EIF2S3: variants seen among roughly 807,000 people sequenced by gnomAD.
The protein encoded by EIF2S3 is eukaryotic translation initiation factor 2 subunit 3.
A neutral mutation model predicts 31.7 loss-of-function variants in EIF2S3; 2 were observed. The ratio of observed to expected loss-of-function variants is 0.06; its 90% CI spans 0.03 to 0.20. EIF2S3 has a LOEUF of 0.20. Among genes scored for constraint, EIF2S3 ranks in the 10% least tolerant of loss-of-function variants. The probability of loss-of-function intolerance (pLI) is 1.00; values close to 1 mark genes in which losing one functional copy is unlikely to be tolerated. For missense variants in EIF2S3, 96 were observed against 359.3 expected (o/e 0.27, Z 5.92); for synonymous variants, 120 against 126.7 (o/e 0.95, Z 0.36).
In EIF2S3 at chrX:24,077,058, C is replaced by T. The variant is rs1602050124; in HGVS notation, c.*273C>T. ...CCCACATAATGTCAAAATTATACATCATGCAGTTCTGTTTTTTTGTTTGTT... is the reference window on the plus strand; with the variant it reads ...CCCACATAATGTCAAAATTATACATTATGCAGTTCTGTTTTTTTGTTTGTT... On this transcript the variant is annotated 3_prime_UTR_variant, in exon 12 of 12. Coordinates refer to ENST00000253039, the MANE Select transcript of EIF2S3 (RefSeq NM_001415.4). 11 of 230,308 alleles carry T rather than the reference C, an allele frequency of 4.8e-5. No individual in the cohort carries two copies. The East Asian group carries it at 8.4e-4, about 18-fold the overall frequency. The allele number at this position is 230,308 out of a possible 1,213,427, so 19.0% of individuals were successfully genotyped here.
At chrX:24,057,319 G>A in intron 2 of EIF2S3, 102 bp from the exon 3 acceptor site, 3 of 1,017,164 alleles carry the variant, frequency 2.9e-6, no homozygotes, top group Non-Finnish European at 2.6e-6. Flanking sequence ...GTGAGCCACC[G>A]TGTCCAGCTG....
At chrX:24,066,372 A>ATG in intron 8 of EIF2S3, among the ~76,000 whole-genome samples, 1 of 109,788 alleles carries the variant, frequency 9.1e-6, no homozygotes, top group Non-Finnish European at 1.9e-5. Flanking sequence ...ATGAGTGAGA[A>ATG]TGTGTGATAT....
At chrX:24,063,005 A>G (rs1292009809) in intron 6 of EIF2S3, among the ~76,000 whole-genome samples, 1 of 111,919 alleles carries the variant, frequency 8.9e-6, no homozygotes, top group Non-Finnish European at 1.9e-5. Context: ...GCACTTTGGG[A>G]GGCTGAGGCA....
At chrX:24,073,801 G>A (rs1930709613) in intron 11 of EIF2S3, among the ~76,000 whole-genome samples, 1 of 111,996 alleles carries the variant, frequency 8.9e-6, no homozygotes, top group African/African-American at 3.2e-5. Context: ...ATTTGGGTTC[G>A]GTATTTCTAT....
chrX:24,075,610 C>G (rs1930742229), intron 11 of EIF2S3, among the ~76,000 whole-genome samples: 1 of 111,841 alleles, frequency 8.9e-6, no homozygotes, highest in Non-Finnish European at 1.9e-5. Context: ...TTCTAGAAAC[C>G]TGCTTCAACC....
In EIF2S3 at chrX:24,077,241, GTAT is replaced by G. The variant is rs1249706276; in HGVS notation, c.*462_*464del. On this transcript the variant is annotated 3_prime_UTR_variant, in exon 12 of 12. Coordinates refer to ENST00000253039, the MANE Select transcript of EIF2S3 (RefSeq NM_001415.4). The stretch of plus-strand genomic sequence containing the variant: ...GCGCCACCACACTTGGCTAATTTTT[GTAT>G]TATTAGTAGAGACGGGGTTTCAGCA... The G allele has an allele frequency of 2.7e-5, 3 of 113,004 alleles. No individual in the cohort carries two copies. The highest frequency in any genetic ancestry group is 9.9e-5 in the African/African-American group (3 of 30,427). The allele number at this position is 113,004 out of a possible 1,213,427, so 9.3% of individuals were successfully genotyped here. A position where few individuals can be genotyped will look rare whatever the true frequency, so the allele number is the denominator to read the frequency against.
intron 11 of EIF2S3, 136 bp downstream of exon 11, chrX:24,073,399 A>G: frequency 1.1e-6 from 1 of 885,301 alleles, no homozygotes; most frequent in Non-Finnish European, 1.5e-6. Context: ...ATGACTTTGA[A>G]AACTATACTT....
At chrX:24,061,256 TAAA>T (rs745398921) in intron 5 of EIF2S3, among the ~76,000 whole-genome samples, 859 of 41,707 alleles carry the variant, frequency 0.021, 15 homozygotes, top group African/African-American at 0.07. Context: ...GACTCAGTCT[TAAA>T]AAAAAAAAAA....
At chrX:24,063,643 ACACCTGTGTTCCCAGCTATTAT>A (rs1229962072) in intron 6 of EIF2S3, among the ~76,000 whole-genome samples, 1 of 110,761 alleles carries the variant, frequency 9.0e-6, no homozygotes. Context: ...TTGGTGGCAC[ACACCTGTGTTCCCAGCTATTAT>A]GTAGGAGGCT....
chrX:24,076,796 TTAAA>T lies in EIF2S3; in HGVS notation c.*15_*18del. On this transcript the variant is annotated 3_prime_UTR_variant, in exon 12 of 12. Transcript: ENST00000253039. ...GTAGATGATGACTGAAGAATACCAG[TTAAA>T]TAATACATTCGGATGGATTTGGAAG... The T allele has an allele frequency of 8.4e-7, 1 of 1,193,748 alleles. No individual in the cohort carries two copies. Among genetic ancestry groups the T allele is most frequent in the African/African-American group, 1.8e-5 (1 of 57,115 alleles).
intron 11 of EIF2S3, among the ~76,000 whole-genome samples, chrX:24,073,713 C>T (rs1930708310): frequency 1.8e-5 from 2 of 112,041 alleles, no homozygotes; most frequent in Non-Finnish European, 3.8e-5. Context: ...ACAACCTTGA[C>T]TATAGTCCCA....
At chrX:24,076,281 C>T (rs1930751678) in intron 11 of EIF2S3, among the ~76,000 whole-genome samples, 1 of 111,333 alleles carries the variant, frequency 9.0e-6, no homozygotes, top group Non-Finnish European at 1.9e-5. Context: ...CCTGTAAGCC[C>T]AGCACTTTGT....
chrX:24,063,221 C>G (rs1365250075), intron 6 of EIF2S3, among the ~76,000 whole-genome samples: 1 of 112,208 alleles, frequency 8.9e-6, no homozygotes, highest in African/African-American at 3.2e-5. Flanking sequence ...CCAGCCTGGG[C>G]AACAAGAGCG....
chrX:24,069,691 T>TC (rs1358155859), intron 9 of EIF2S3, among the ~76,000 whole-genome samples: 2 of 91,558 alleles, frequency 2.2e-5, no homozygotes, highest in Admixed American at 1.2e-4. Flanking sequence ...AATTTCTTTT[T>TC]TTTTTTTTTT....
At position 24,077,553 on chromosome X, in the gene EIF2S3, C is replaced by A. The variant is rs1930774793; in HGVS notation, c.*768C>A. 1 of 112,395 alleles carries A rather than the reference C, an allele frequency of 8.9e-6. No homozygotes were observed. Among genetic ancestry groups the A allele is most frequent in the Admixed American group, 9.5e-5 (1 of 10,527 alleles). The allele number at this position is 112,395 out of a possible 1,213,427, so 9.3% of individuals were successfully genotyped here. On this transcript the variant is annotated 3_prime_UTR_variant, in exon 12 of 12. Coordinates refer to ENST00000253039, the MANE Select transcript of EIF2S3 (RefSeq NM_001415.4). ...CACAAATTCTCCTTGAAGACCTTCT[C>A]CCTTTTATGTGGCCCCATATTTTAT...
intron 2 of EIF2S3, among the ~76,000 whole-genome samples, chrX:24,056,473 A>G (rs1930405265): frequency 8.9e-6 from 1 of 112,249 alleles, no homozygotes; most frequent in African/African-American, 3.2e-5. Flanking sequence ...AATTAAACTT[A>G]GGTTGTTTCC....
In EIF2S3 at chrX:24,063,689, C is replaced by T. The variant is rs1209383903; in HGVS notation, c.638-512C>T. Among the ~76,000 whole-genome samples, 4 of 110,017 alleles carry T rather than the reference C, an allele frequency of 3.6e-5. No homozygotes were observed. The South Asian group carries it at 1.1e-3, about 32-fold the overall frequency. On this transcript the variant is annotated intron_variant, in intron 6 of 11. Transcript: ENST00000253039. ...ATGTAGGAGGCTGAAGTGGGAGGAT[C>T]GCTTGGGCCTGGGAAGTGGAGGTTG...
chrX:24,060,574 G>A (rs183852198), intron 5 of EIF2S3: 183 of 161,908 alleles, frequency 1.1e-3, no homozygotes, highest in African/African-American at 4.1e-3. Flanking sequence ...TTCATAATAC[G>A]TGCTGAAGTG....
chrX:24,064,108 A>G (rs1930535905), intron 6 of EIF2S3, 93 bp from the exon 7 acceptor site: 14 of 800,384 alleles, frequency 1.7e-5, no homozygotes, highest in Non-Finnish European at 2.0e-5. Context: ...CATCTATTTT[A>G]TTATAGTAAT....
Sources: allele counts gnomAD v4.1 joint callset (sites outside exome capture counted in the v4.1 genomes callset), GRCh38; gene constraint gnomAD v4.1.1; transcripts MANE v1.5; gene names NCBI Gene and HGNC (gene_info 2026-07-23, HGNC 2026-07-21).